The following CTBP1 variants were observed in gnomAD, a reference collection of about 807,000 sequenced individuals.
CTBP1 encodes C-terminal binding protein 1, also known as C-terminal-binding protein 1.
A neutral mutation model predicts 42.1 loss-of-function variants in CTBP1; 11 were observed. The observed-to-expected ratio is 0.26, with a 90% CI of 0.16 to 0.43. The LOEUF is 0.43. CTBP1 is among the 20% of genes least tolerant of loss of function. The pLI, the probability that CTBP1 is intolerant of heterozygous loss-of-function variation, is 1.00. For missense variants in CTBP1, 399 were observed against 624.3 expected (o/e 0.64, Z 3.85); for synonymous variants, 324 against 277.1 (o/e 1.17, Z -1.68).
intron 1 of CTBP1, chr4:1,243,251 G>A (rs1732370582): frequency 1.0e-6 from 1 of 985,276 alleles, no homozygotes; most frequent in Non-Finnish European, 1.2e-6. Context: ...GCCCACACCT[G>A]TGTCTCTGAG....
chr4:1,244,833 A>G, intron 1 of CTBP1: 5 of 985,414 alleles, frequency 5.1e-6, no homozygotes, highest in Non-Finnish European at 6.0e-6. Flanking sequence ...CCAGGCCTGG[A>G]GGCCCAAAGA....
At position 1,239,592 on chromosome 4, in the gene CTBP1, T is replaced by C. The variant is rs541539399; in HGVS notation, c.8-1255A>G. On this transcript the variant is annotated intron_variant, in intron 2 of 9. Transcript: ENST00000382952. ...GCAGGGAAGTGCCTCCTGGAACCCA[T>C]GGCAGAGAAAAGAAATGCTCTGGTG... Among the ~76,000 whole-genome samples, 9 of 152,244 alleles carry C rather than the reference T, an allele frequency of 5.9e-5. No individual in the cohort carries two copies. The East Asian group carries it at 1.5e-3, about 26-fold the overall frequency.
chr4:1,242,972 C>T (rs977947501), intron 1 of CTBP1: 25 of 985,026 alleles, frequency 2.5e-5, no homozygotes, highest in Non-Finnish European at 2.9e-5. Context: ...CTCATCAACG[C>T]CAACCGATAC....
rs1275689680 is a variant in CTBP1, at chr4:1,241,531, A to G, written c.-188-12T>C. ...GGGTCAAAGTCTTACTAAAAATCAAACACAAGAGACACATTAAAATGCCAT... is the reference window on the plus strand; with the variant it reads ...GGGTCAAAGTCTTACTAAAAATCAAGCACAAGAGACACATTAAAATGCCAT... On this transcript the variant is annotated splice_polypyrimidine_tract_variant and intron_variant, in intron 1 of 9. Transcript: ENST00000382952. The G allele has an allele frequency of 1.3e-6, 2 of 1,582,896 alleles. No individual in the cohort carries two copies. The highest frequency in any genetic ancestry group is 1.7e-4 in the Middle Eastern group (1 of 5,936).
chr4:1,245,179 T>A (rs1191067610), intron 1 of CTBP1: 7 of 985,274 alleles, frequency 7.1e-6, no homozygotes, highest in Non-Finnish European at 7.2e-6. Context: ...AGCATCCCTG[T>A]GAGCCAGGGA....
intron 9 of CTBP1, 167 bp downstream of exon 9, chr4:1,212,746 G>A (rs1239095260): frequency 1.5e-6 from 1 of 653,688 alleles, no homozygotes; most frequent in Admixed American, 2.7e-5. Context: ...CTTCCAAGAG[G>A]CCCTGGTTCT....
chr4:1,243,611 C>T (rs1732415321), intron 1 of CTBP1: 2 of 985,350 alleles, frequency 2.0e-6, no homozygotes, highest in Non-Finnish European at 2.4e-6. Flanking sequence ...ACCTGCCCCA[C>T]TGAGAGCCAG....
intron 3 of CTBP1, chr4:1,234,781 C>A (rs1485367241): frequency 6.6e-6 from 1 of 152,200 alleles, no homozygotes; most frequent in Non-Finnish European, 1.5e-5. Context: ...GGGCACTGTC[C>A]AAACCGAGCT....
chr4:1,248,507 G>A (rs1394731768), intron 1 of CTBP1, among the ~76,000 whole-genome samples: 9 of 150,326 alleles, frequency 6.0e-5, no homozygotes, highest in South Asian at 2.1e-4. Context: ...CCCCATCCCG[G>A]CCCCGCAGGC....
chr4:1,215,501 G>C, intron 6 of CTBP1: 1 of 214,730 alleles, frequency 4.7e-6, no homozygotes, highest in Non-Finnish European at 9.5e-6. Context: ...GCTGCACTGC[G>C]AGCTGTGCTG....
Position 1,246,721 on chromosome 4 carries a change from T to A in CTBP1, c.-189+2195A>T, listed in dbSNP as rs527836200. Among the ~76,000 whole-genome samples, 4 of 152,298 alleles carry A rather than the reference T, an allele frequency of 2.6e-5. No homozygotes were observed. In the South Asian group the frequency reaches 8.3e-4, roughly 32 times the overall value. ...AGAAAAACCAGAAAAACTGCCAGGC[T>A]GGTGGGGAACCAGGTGTGGCTTGAC... On this transcript the variant is annotated intron_variant, in intron 1 of 9. Transcript: ENST00000382952.
chr4:1,245,182 G>A (rs75150069), intron 1 of CTBP1: 121,093 of 985,404 alleles, frequency 0.12, 7,970 homozygotes, highest in Middle Eastern at 0.14. Flanking sequence ...ATCCCTGTGA[G>A]CCAGGGAGCC....
At chr4:1,223,452 G>A (rs974820449) in intron 5 of CTBP1, 8 of 455,970 alleles carry the variant, frequency 1.8e-5, no homozygotes, top group East Asian at 7.0e-5. Context: ...GAGACCACCC[G>A]AAACGTCCGA....
chr4:1,237,114 C>T (rs116513771), intron 3 of CTBP1: 158 of 661,582 alleles, frequency 2.4e-4, no homozygotes, highest in African/African-American at 2.3e-3. Flanking sequence ...CAGGAGAAAC[C>T]GAGTGTCCAC....
Position 1,212,196 on chromosome 4 carries a change from C to T in CTBP1, c.*44G>A, listed in dbSNP as rs1005969919. 42 of 1,385,642 alleles carry T rather than the reference C, an allele frequency of 3.0e-5. 1 individual carries two copies. The Middle Eastern group carries it at 7.2e-4, about 24-fold the overall frequency. The allele number at this position is 1,385,642 out of a possible 1,614,324, so 85.8% of individuals were successfully genotyped here. ...CCACACACTCTGGTCCGAGGGTTTC[C>T]GGGCCCTCTGCCCAGGCGCCGAGGC... On this transcript the variant is annotated 3_prime_UTR_variant, in exon 10 of 10. Coordinates refer to ENST00000382952, the MANE Select transcript of CTBP1 (RefSeq NM_001012614.2).
At chr4:1,223,401 G>A (rs774335217) in intron 5 of CTBP1, 1 of 455,174 alleles carries the variant, frequency 2.2e-6, no homozygotes, top group East Asian at 6.9e-5. Flanking sequence ...GCACATCCGT[G>A]AACCAACCTC....
intron 5 of CTBP1, 96 bp from the exon 6 acceptor site, chr4:1,216,301 T>G: frequency 8.1e-7 from 1 of 1,235,260 alleles, no homozygotes; most frequent in Non-Finnish European, 1.1e-6. Flanking sequence ...GTGCCTCAGT[T>G]TGACCATCTG....
intron 3 of CTBP1, among the ~76,000 whole-genome samples, chr4:1,229,470 T>C (rs1730736407): frequency 6.6e-6 from 1 of 152,186 alleles, no homozygotes; most frequent in Admixed American, 6.5e-5. Context: ...CATGTGGACA[T>C]GACTCCCACC....
chr4:1,249,813 G>A (rs993039312), upstream of CTBP1: 6 of 237,260 alleles, frequency 2.5e-5, no homozygotes, highest in Non-Finnish European at 5.4e-5. Flanking sequence ...CTTTTAACAA[G>A]AGTAGGGTTT....
Sources: gnomAD v4.1 joint callset for allele counts (sites outside exome capture counted in the v4.1 genomes callset) on GRCh38, gnomAD v4.1.1 for gene constraint, MANE v1.5 for transcripts, NCBI Gene and HGNC (gene_info 2026-07-23, HGNC 2026-07-21) for gene names.